Variants in TRHDE observed in about 807,000 individuals in gnomAD.
TRHDE encodes the protein thyrotropin-releasing hormone-degrading ectoenzyme.
Under a neutral mutation model 125.7 loss-of-function variants are expected in TRHDE, and 72 were observed. The observed-to-expected ratio is 0.57, with a 90% CI of 0.47 to 0.70. The LOEUF is 0.70. Among genes scored for constraint, TRHDE ranks in the 30% least tolerant of loss-of-function variants. TRHDE has a pLI of 0.00. For synonymous variants in TRHDE, 509 were observed against 509.1 expected, an observed-to-expected ratio of 1.00 and a Z score of 0.00; for missense variants, 1,110 against 1,327.1, an observed-to-expected ratio of 0.84 and a Z score of 2.54.
chr12:72,145,705 C>T (rs943790499), intron 2 of TRHDE, among the ~76,000 whole-genome samples: 3 of 152,112 alleles, frequency 2.0e-5, no homozygotes, highest in African/African-American at 7.2e-5. Flanking sequence ...TGACCCATTT[C>T]GTTTTGTTTT....
chr12:72,463,908 A>C (rs1876244313), intron 3 of TRHDE, among the ~76,000 whole-genome samples: 1 of 152,136 alleles, frequency 6.6e-6, no homozygotes, highest in Non-Finnish European at 1.5e-5. Context: ...TATTGAACAG[A>C]CCTCATTTAG....
chr12:72,597,363 T>C (rs1190893117), intron 12 of TRHDE, among the ~76,000 whole-genome samples: 1 of 152,022 alleles, frequency 6.6e-6, no homozygotes, highest in East Asian at 1.9e-4. Flanking sequence ...TAGTCAATAG[T>C]GATTTGTGAA....
intron 3 of TRHDE, among the ~76,000 whole-genome samples, chr12:72,404,129 G>A (rs1017265045): frequency 1.3e-5 from 2 of 152,042 alleles, no homozygotes; most frequent in Non-Finnish European, 2.9e-5. Flanking sequence ...AGACATAACC[G>A]AGGGCTGAGC....
intron 3 of TRHDE, among the ~76,000 whole-genome samples, chr12:72,442,899 A>G (rs1875085726): frequency 6.6e-6 from 1 of 151,880 alleles, no homozygotes; most frequent in Non-Finnish European, 1.5e-5. Context: ...TTAACACTGA[A>G]CAGCATAAGG....
At chr12:72,220,291 T>C (rs1331014812) in intron 2 of TRHDE, among the ~76,000 whole-genome samples, 1 of 152,158 alleles carries the variant, frequency 6.6e-6, no homozygotes, top group Non-Finnish European at 1.5e-5. Context: ...GTTTTGGTCA[T>C]GTTATCTTTT....
intron 2 of TRHDE, among the ~76,000 whole-genome samples, chr12:72,312,365 T>C (rs1225805409): frequency 3.3e-5 from 5 of 152,226 alleles, no homozygotes; most frequent in Non-Finnish European, 7.3e-5. Flanking sequence ...TCGCTTTTTA[T>C]TTTCTATATA....
At chr12:72,166,320 C>T (rs971699874) in intron 2 of TRHDE, among the ~76,000 whole-genome samples, 17 of 140,880 alleles carry the variant, frequency 1.2e-4, no homozygotes, top group African/African-American at 4.6e-4. Context: ...TATATATATA[C>T]ACACACACAC....
chr12:72,541,001 C>T (rs1317856939), intron 6 of TRHDE, among the ~76,000 whole-genome samples: 1 of 151,550 alleles, frequency 6.6e-6, no homozygotes, highest in African/African-American at 2.4e-5. Context: ...ATTCAAGTCC[C>T]AGAATTCTAA....
intron 2 of TRHDE, among the ~76,000 whole-genome samples, chr12:72,293,205 T>A (rs1345273352): frequency 2.6e-5 from 4 of 152,252 alleles, no homozygotes; most frequent in African/African-American, 9.6e-5. Flanking sequence ...TTTGTTTTTT[T>A]TTTTGCTAAT....
intron 2 of TRHDE, among the ~76,000 whole-genome samples, chr12:72,146,130 T>C (rs184181772): frequency 3.9e-5 from 6 of 152,334 alleles, no homozygotes; most frequent in Admixed American, 3.9e-4. Context: ...AGTGATCTCC[T>C]TGAGGAAAGT....
intron 15 of TRHDE, among the ~76,000 whole-genome samples, chr12:72,642,280 A>G (rs1874096990): frequency 1.3e-5 from 2 of 152,160 alleles, no homozygotes; most frequent in South Asian, 4.1e-4. Context: ...TTTTCTACCT[A>G]CTTAATTTTT....
chr12:72,529,372 G>A (rs1442885222), intron 6 of TRHDE, among the ~76,000 whole-genome samples: 1 of 152,018 alleles, frequency 6.6e-6, no homozygotes, highest in South Asian at 2.1e-4. Context: ...ATTTACATAT[G>A]ACTTGTTTTA....
chr12:72,541,018 A>G (rs1869120327), intron 6 of TRHDE, among the ~76,000 whole-genome samples: 1 of 151,620 alleles, frequency 6.6e-6, no homozygotes, highest in East Asian at 1.9e-4. Flanking sequence ...CTAACAAATC[A>G]TTCTAGTAAC....
chr12:72,370,748 T>C (rs975062594), intron 2 of TRHDE, among the ~76,000 whole-genome samples: 2 of 145,142 alleles, frequency 1.4e-5, no homozygotes, highest in Non-Finnish European at 3.0e-5. Flanking sequence ...GTTAATGTTA[T>C]TTTTTTTTTT....
At chr12:72,447,955 C>T (rs1295722397) in intron 3 of TRHDE, among the ~76,000 whole-genome samples, 1 of 151,940 alleles carries the variant, frequency 6.6e-6, no homozygotes, top group Non-Finnish European at 1.5e-5. Context: ...AATTTAAGTC[C>T]ATTTGTTTTT....
intron 2 of TRHDE, among the ~76,000 whole-genome samples, chr12:72,344,480 A>G (rs921280983): frequency 1.3e-5 from 2 of 152,240 alleles, no homozygotes; most frequent in Admixed American, 1.3e-4. Flanking sequence ...GCTAATAGAT[A>G]ATGGACCAAG....
intron 3 of TRHDE, among the ~76,000 whole-genome samples, chr12:72,454,825 C>T (rs1042349904): frequency 6.6e-6 from 1 of 152,170 alleles, no homozygotes; most frequent in African/African-American, 2.4e-5. Flanking sequence ...TGAACCACAC[C>T]TTGGAGTAAC....
At chr12:72,099,165 A>G (rs1385773261) in intron 1 of TRHDE, among the ~76,000 whole-genome samples, 3 of 80,320 alleles carry the variant, frequency 3.7e-5, no homozygotes, top group Non-Finnish European at 7.1e-5. Context: ...CTCTGTCAAG[A>G]AAAAAAAAAA....
chr12:72,635,676 TG>T (rs1263054481), intron 15 of TRHDE, among the ~76,000 whole-genome samples: 3 of 150,558 alleles, frequency 2.0e-5, no homozygotes, highest in African/African-American at 4.8e-5. Context: ...AATTGATTTT[TG>T]TATAAGGTGT....
Sources: allele counts gnomAD v4.1 joint callset (sites outside exome capture counted in the v4.1 genomes callset), GRCh38; gene constraint gnomAD v4.1.1; transcripts MANE v1.5; gene names NCBI Gene and HGNC (gene_info 2026-07-23, HGNC 2026-07-21).